Variants in LIMS1 observed in about 807,000 individuals in gnomAD.
LIMS1 encodes the protein LIM and senescent cell antigen-like-containing domain protein 1.
Under a neutral mutation model 44.1 loss-of-function variants are expected in LIMS1, and 18 were observed. The observed-to-expected ratio is 0.41, with a 90% CI of 0.28 to 0.61. The LOEUF (loss-of-function observed/expected upper bound fraction) is 0.61, where lower values mean the gene tolerates loss of function less well. Ranked by LOEUF, LIMS1 falls within the 20% of genes least tolerant of loss-of-function variation. LIMS1 has a pLI of 0.32. For synonymous variants in LIMS1, 93 were observed against 149.1 expected, an observed-to-expected ratio of 0.62 and a Z score of 2.74; for missense variants, 201 against 422.0, an observed-to-expected ratio of 0.48 and a Z score of 4.59.
At chr2:108,567,540 C>T (rs989996492) in intron 1 of LIMS1, among the ~76,000 whole-genome samples, 6 of 152,090 alleles carry the variant, frequency 3.9e-5, no homozygotes, top group African/African-American at 1.4e-4. Flanking sequence ...TACAAAAGCA[C>T]TCAATGAAGA....
At chr2:108,535,003 C>T (rs1479566712) in intron 1 of LIMS1, among the ~76,000 whole-genome samples, 1 of 152,158 alleles carries the variant, frequency 6.6e-6, no homozygotes, top group South Asian at 2.1e-4. Context: ...AAAGGAAAAC[C>T]GAGACACTGA....
intron 1 of LIMS1, among the ~76,000 whole-genome samples, chr2:108,585,606 G>C (rs1418582856): frequency 1.3e-5 from 2 of 152,108 alleles, no homozygotes; most frequent in East Asian, 3.9e-4. Context: ...GGGAGAATGT[G>C]CGCAATGAGA....
chr2:108,587,302 G>A (rs1028651203), intron 1 of LIMS1, among the ~76,000 whole-genome samples: 1 of 122,020 alleles, frequency 8.2e-6, no homozygotes. Context: ...GTGTGTGTGT[G>A]TGTGTGTGTG....
intron 1 of LIMS1, among the ~76,000 whole-genome samples, chr2:108,585,919 C>T (rs1403292257): frequency 2.6e-5 from 4 of 152,000 alleles, no homozygotes; most frequent in Non-Finnish European, 5.9e-5. Flanking sequence ...TGAGGCCGGG[C>T]GTGGTGGCTC....
At chr2:108,620,215 C>A (rs76059966) in intron 1 of LIMS1, among the ~76,000 whole-genome samples, 1 of 152,282 alleles carries the variant, frequency 6.6e-6, no homozygotes, top group African/African-American at 2.4e-5. Context: ...AGAGCAGATT[C>A]TCTCAGAGAT....
intron 1 of LIMS1, among the ~76,000 whole-genome samples, chr2:108,557,223 G>T (rs552971927): frequency 6.6e-6 from 1 of 151,628 alleles, no homozygotes; most frequent in East Asian, 2.0e-4. Context: ...GACCACAGGC[G>T]CACACTACCG....
intron 1 of LIMS1, among the ~76,000 whole-genome samples, chr2:108,571,920 G>A (rs967627838): frequency 1.3e-5 from 2 of 152,186 alleles, no homozygotes; most frequent in African/African-American, 4.8e-5. Flanking sequence ...AACTGGACCT[G>A]ACAACAGCTG....
At chr2:108,637,053 TAATG>T (rs1394861759) in intron 1 of LIMS1, among the ~76,000 whole-genome samples, 2 of 151,798 alleles carry the variant, frequency 1.3e-5, no homozygotes, top group Non-Finnish European at 2.9e-5. Context: ...AATTTAAAGT[TAATG>T]AAAGAAAAGA....
At chr2:108,643,431 T>C (rs1338588484) in intron 1 of LIMS1, among the ~76,000 whole-genome samples, 2 of 152,122 alleles carry the variant, frequency 1.3e-5, no homozygotes, top group Non-Finnish European at 2.9e-5. Context: ...GGGAAGCCAT[T>C]AGGGACTGTA....
chr2:108,549,025 A>C (rs1263102844), intron 1 of LIMS1, among the ~76,000 whole-genome samples: 2 of 152,164 alleles, frequency 1.3e-5, no homozygotes, highest in Non-Finnish European at 2.9e-5. Flanking sequence ...TTTCTACAAA[A>C]AGCTACCTAT....
intron 1 of LIMS1, among the ~76,000 whole-genome samples, chr2:108,567,702 G>A (rs374071647): frequency 5.3e-5 from 8 of 152,148 alleles, no homozygotes; most frequent in African/African-American, 1.9e-4. Context: ...CTCCCAAGTA[G>A]CTGGAATTAC....
intron 1 of LIMS1, among the ~76,000 whole-genome samples, chr2:108,628,754 C>T (rs749864685): frequency 3.3e-4 from 50 of 152,270 alleles, no homozygotes; most frequent in Middle Eastern, 3.4e-3. Flanking sequence ...CGTGAGCCAC[C>T]GCACCCAGCC....
chr2:108,645,433 A>G (rs554486902), intron 1 of LIMS1, among the ~76,000 whole-genome samples: 21 of 152,346 alleles, frequency 1.4e-4, no homozygotes, highest in Admixed American at 1.2e-3. Flanking sequence ...CGTCACAGAC[A>G]AGGAAATGCT....
At chr2:108,628,812 G>A (rs769047732) in intron 1 of LIMS1, among the ~76,000 whole-genome samples, 11 of 152,118 alleles carry the variant, frequency 7.2e-5, no homozygotes, top group Non-Finnish European at 1.0e-4. Context: ...TGAGTTTTAT[G>A]AAGGTTCTTG....
At chr2:108,685,959 T>TA (rs1693273623) in exon 10 of LIMS1, 1 of 152,210 alleles carries the variant, frequency 6.6e-6, no homozygotes, top group African/African-American at 2.4e-5. Flanking sequence ...TGTGTTTGTT[T>TA]ACATATCAGG....
chr2:108,575,830 T>C (rs1173067106), intron 1 of LIMS1, among the ~76,000 whole-genome samples: 1 of 152,244 alleles, frequency 6.6e-6, no homozygotes, highest in African/African-American at 2.4e-5. Context: ...ATTATTCATT[T>C]TGGCTGTTTG....
intron 2 of LIMS1, among the ~76,000 whole-genome samples, chr2:108,667,884 G>A (rs1263481714): frequency 6.6e-6 from 1 of 152,002 alleles, no homozygotes; most frequent in Admixed American, 6.6e-5. Context: ...CTAATAAAAT[G>A]TAAATGCTAT....
intron 1 of LIMS1, among the ~76,000 whole-genome samples, chr2:108,644,702 G>T (rs1490005819): frequency 6.6e-6 from 1 of 151,974 alleles, no homozygotes. Flanking sequence ...AAACTCCTCC[G>T]AGCTAAAGGA....
intron 1 of LIMS1, among the ~76,000 whole-genome samples, chr2:108,570,559 C>G (rs1399175847): frequency 6.6e-6 from 1 of 152,106 alleles, no homozygotes; most frequent in African/African-American, 2.4e-5. Flanking sequence ...TAATGCCAAA[C>G]TAATGAGTCT....
Sources: allele counts gnomAD v4.1 joint callset (sites outside exome capture counted in the v4.1 genomes callset), GRCh38; gene constraint gnomAD v4.1.1; transcripts MANE v1.5; gene names NCBI Gene and HGNC (gene_info 2026-07-23, HGNC 2026-07-21).